The following MALRD1 variants were observed in gnomAD, a reference collection of about 807,000 sequenced individuals.
MALRD1 encodes the protein MAM and LDL receptor class A domain containing 1.
Under a neutral mutation model 242.1 loss-of-function variants are expected in MALRD1, and 247 were observed. The observed-to-expected ratio is 1.02, with a 90% confidence interval of 0.92 to 1.13. MALRD1 has a LOEUF of 1.13. Among genes scored for constraint, MALRD1 ranks in the 50% most tolerant of loss-of-function variants. MALRD1 has a pLI of 0.00. For missense variants in MALRD1, 2,989 were observed against 2,533.1 expected, an observed-to-expected ratio of 1.18 and a Z score of -3.86; for synonymous variants, 995 against 866.6, an observed-to-expected ratio of 1.15 and a Z score of -2.60.
chr10:19,339,039 CACACACACACACACACATAAATACACAT>C (rs908832193), intron 24 of MALRD1, among the ~76,000 whole-genome samples: 12 of 127,670 alleles, frequency 9.4e-5, no homozygotes, highest in African/African-American at 4.3e-4. Flanking sequence ...GGTGACTATA[CACACACACACACACACATAAATACACAT>C]ACACACACAC....
chr10:19,103,922 C>G (rs1202110656), intron 4 of MALRD1, 57 bp from the exon 5 acceptor site: 7 of 1,020,586 alleles, frequency 6.9e-6, no homozygotes, highest in Non-Finnish European at 8.8e-6. Context: ...CACTGTGAGA[C>G]AGTGATGTTC....
At chr10:19,151,542 TG>T (rs1419587576) in intron 11 of MALRD1, among the ~76,000 whole-genome samples, 1 of 152,150 alleles carries the variant, frequency 6.6e-6, no homozygotes, top group Non-Finnish European at 1.5e-5. Context: ...TTTTATGTAC[TG>T]GACAGAATTT....
At chr10:19,396,169 G>A (rs78529658) in intron 28 of MALRD1, among the ~76,000 whole-genome samples, 4,366 of 123,112 alleles carry the variant, frequency 0.035, 252 homozygotes, top group African/African-American at 0.13. Flanking sequence ...ATGGAGTCTC[G>A]TTCTGTCACC....
In MALRD1 at chr10:19,530,418, A is replaced by ATTTGT. The variant is rs1200557957; in HGVS notation, c.5321-776_5321-775insTTTGT. On this transcript the variant is annotated intron_variant, in intron 31 of 39. Coordinates refer to ENST00000454679, the MANE Select transcript of MALRD1 (RefSeq NM_001142308.3). ...TATAAATATTATATATTTATATAAT[A>ATTTGT]ATAAATATATAATATATATAATATA... 2.4e-5 allele frequency among the ~76,000 whole-genome samples: 2 copies of ATTTGT among 83,770 alleles called. 1 individual carries two copies. The highest frequency in any genetic ancestry group is 6.0e-4 in the South Asian group (2 of 3,340). 55.0% of individuals were successfully genotyped at this position (83,770 alleles called of 152,430 possible).
chr10:19,493,182 G>A (rs1302928633), intron 30 of MALRD1: 2 of 151,920 alleles, frequency 1.3e-5, no homozygotes, highest in African/African-American at 4.8e-5. Context: ...CCTAGACCAT[G>A]GTAACCACCC....
intron 24 of MALRD1, among the ~76,000 whole-genome samples, chr10:19,339,040 A>G (rs1843725259): frequency 7.8e-6 from 1 of 128,652 alleles, no homozygotes; most frequent in South Asian, 2.2e-4. Context: ...GTGACTATAC[A>G]CACACACACA....
At position 19,498,498 on chromosome 10, in the gene MALRD1, C is replaced by T. The variant is rs776295538; in HGVS notation, c.5172C>T (p.Ser1724=). ...SDEAHCAHYT[S]TTGSCNFETS... ...TTGCTTCCCCAGCACATTATACAAG[C>T]ACAACAGGAAGCTGCAATTTTGAAA... The change falls in exon 31 of 40, where the codon AGC becomes AGT. Residue 1724 remains serine, a synonymous_variant. Coordinates refer to ENST00000454679, the MANE Select transcript of MALRD1 (RefSeq NM_001142308.3). 2.9e-4 allele frequency: 445 copies of T among 1,549,692 alleles called. 1 individual carries two copies. Among genetic ancestry groups the T allele is most frequent in the Non-Finnish European group, 3.8e-4 (434 of 1,146,494 alleles).
At chr10:19,106,523 C>A (rs1836469659) in intron 5 of MALRD1, among the ~76,000 whole-genome samples, 1 of 151,646 alleles carries the variant, frequency 6.6e-6, no homozygotes, top group African/African-American at 2.4e-5. Flanking sequence ...AATCTTCTAT[C>A]TTTTTTCCCT....
chr10:19,228,951 C>T (rs534740277), intron 18 of MALRD1, among the ~76,000 whole-genome samples: 1 of 149,748 alleles, frequency 6.7e-6, no homozygotes, highest in Non-Finnish European at 1.5e-5. Flanking sequence ...TCAGCCCCCC[C>T]AAAAAAAGGC....
intron 3 of MALRD1, 32 bp from the exon 4 acceptor site, chr10:19,087,992 A>G (rs1055981447): frequency 1.6e-6 from 2 of 1,233,258 alleles, no homozygotes; most frequent in Admixed American, 8.4e-5. Flanking sequence ...CTTCTTTATC[A>G]TAATTGTTTG....
rs1564576112 is a variant in MALRD1, at chr10:19,730,711, C to T, written c.6320C>T (p.Thr2107Ile). 9 of 1,536,296 alleles carry T rather than the reference C, an allele frequency of 5.9e-6. No individual in the cohort carries two copies. The highest frequency in any genetic ancestry group is 3.3e-4 in the Middle Eastern group (2 of 6,016). Residue 2107 changes from threonine to isoleucine, a missense_variant, in exon 39 of 40, where the codon ACC (threonine) becomes ATC (isoleucine). Coordinates refer to ENST00000454679, the MANE Select transcript of MALRD1 (RefSeq NM_001142308.3). ...LANRKVPIRK[T>I]EGSGNCAFVN... ...ATGGCCCTGTGTGCTTTAAGGAAAA[C>T]CGAGGGAAGTGGTAACTGTGCCTTT...
intron 19 of MALRD1, among the ~76,000 whole-genome samples, chr10:19,258,581 G>A (rs992898739): frequency 2.0e-5 from 3 of 152,138 alleles, no homozygotes; most frequent in African/African-American, 7.2e-5. Flanking sequence ...AGCCTCACTG[G>A]TCTGCGGAGC....
intron 33 of MALRD1, among the ~76,000 whole-genome samples, chr10:19,591,354 G>C (rs557254368): frequency 6.6e-6 from 1 of 152,324 alleles, no homozygotes; most frequent in Admixed American, 6.5e-5. Flanking sequence ...CTTTATGGTT[G>C]ATTCCAACAC....
At chr10:19,469,649 G>A (rs1411963992) in intron 29 of MALRD1, among the ~76,000 whole-genome samples, 2 of 151,992 alleles carry the variant, frequency 1.3e-5, no homozygotes, top group Admixed American at 6.5e-5. Context: ...CACAGAATTG[G>A]GATGTTTGCT....
chr10:19,083,050 A>G (rs372212907), intron 2 of MALRD1, among the ~76,000 whole-genome samples: 2 of 151,994 alleles, frequency 1.3e-5, no homozygotes, highest in African/African-American at 2.4e-5. Flanking sequence ...GCCTTCTTTT[A>G]TAAAGGAGTT....
intron 24 of MALRD1, among the ~76,000 whole-genome samples, chr10:19,335,044 A>G (rs1164217783): frequency 6.6e-6 from 1 of 152,126 alleles, no homozygotes; most frequent in Non-Finnish European, 1.5e-5. Context: ...TACCAAGGGA[A>G]TCGGAAACAT....
At chr10:19,189,056 C>A (rs1005228225) in intron 14 of MALRD1, among the ~76,000 whole-genome samples, 1 of 151,624 alleles carries the variant, frequency 6.6e-6, no homozygotes, top group Admixed American at 6.6e-5. Flanking sequence ...GGGAGAGAGA[C>A]AGAGAGAGGG....
intron 24 of MALRD1, among the ~76,000 whole-genome samples, chr10:19,333,753 C>T (rs1250177551): frequency 6.6e-6 from 1 of 152,082 alleles, no homozygotes; most frequent in Non-Finnish European, 1.5e-5. Context: ...AACTAATTTA[C>T]ATTCCCACCA....
intron 19 of MALRD1, among the ~76,000 whole-genome samples, chr10:19,279,413 C>A (rs1304446105): frequency 1.3e-5 from 2 of 152,166 alleles, no homozygotes. Context: ...TTTTTCTCCA[C>A]AGCTTGGATT....
Sources: gnomAD v4.1 joint callset for allele counts (sites outside exome capture counted in the v4.1 genomes callset) on GRCh38, gnomAD v4.1.1 for gene constraint, MANE v1.5 for transcripts, NCBI Gene and HGNC (gene_info 2026-07-23, HGNC 2026-07-21) for gene names.